Variants in PCDH11X observed in about 807,000 individuals in gnomAD.
PCDH11X encodes the protein protocadherin 11 X-linked.
In PCDH11X, 18 loss-of-function variants were observed where a neutral mutation model predicts 53.3. That is an observed-to-expected ratio of 0.34 (90% CI 0.23 to 0.50). PCDH11X has a LOEUF of 0.50. PCDH11X is among the 20% of genes least tolerant of loss of function. The pLI is 0.98. For synonymous variants in PCDH11X, 279 were observed against 393.3 expected (o/e 0.71, Z 3.44); for missense variants, 570 against 1,032.4 (o/e 0.55, Z 6.14).
chrX:92,539,366 C>A (rs755238073), intron 10 of PCDH11X, among the ~76,000 whole-genome samples: 1 of 111,678 alleles, frequency 9.0e-6, no homozygotes, highest in South Asian at 3.7e-4. Flanking sequence ...TTGATTATTT[C>A]TGCTATTAAG....
rs943492028 is a variant in PCDH11X, at chrX:92,599,637, G to C, written c.3368-18627G>C. 4.5e-5 allele frequency among the ~76,000 whole-genome samples: 5 copies of C among 111,789 alleles called. No individual in the cohort carries two copies. The Admixed American group carries it at 4.8e-4, about 11-fold the overall frequency. On this transcript the variant is annotated intron_variant, in intron 10 of 10. Coordinates refer to ENST00000682573, the MANE Select transcript of PCDH11X (RefSeq NM_032968.5). ...CAGTTTTGGGTATTTCTTCATAGCAGTAAGAAAATGGACTAATACAGCAAA... is the reference window on the plus strand; with the variant it reads ...CAGTTTTGGGTATTTCTTCATAGCACTAAGAAAATGGACTAATACAGCAAA...
intron 7 of PCDH11X, among the ~76,000 whole-genome samples, chrX:92,257,209 A>C (rs1603236822): frequency 9.0e-6 from 1 of 111,388 alleles, no homozygotes; most frequent in East Asian, 2.9e-4. Flanking sequence ...ACTCACTATC[A>C]TGAGAGTAGC....
chrX:92,335,050 G>T (rs2069585347), intron 8 of PCDH11X, among the ~76,000 whole-genome samples: 1 of 109,253 alleles, frequency 9.2e-6, no homozygotes, highest in Admixed American at 9.8e-5. Flanking sequence ...TCAGGGTCTA[G>T]GGTTTATAGT....
intron 8 of PCDH11X, among the ~76,000 whole-genome samples, chrX:92,276,293 G>T (rs1242873339): frequency 9.3e-6 from 1 of 107,362 alleles, no homozygotes; most frequent in Non-Finnish European, 1.9e-5. Flanking sequence ...ATCCGTGATG[G>T]TCTAGGGGCT....
At chrX:92,215,498 G>A (rs184744760) in intron 7 of PCDH11X, among the ~76,000 whole-genome samples, 7,597 of 58,933 alleles carry the variant, frequency 0.13, 769 homozygotes, top group Admixed American at 0.26. Flanking sequence ...CGAGGCTGGG[G>A]GAGGGGCGCC....
At chrX:92,475,597 A>G (rs1046220222) in intron 10 of PCDH11X, among the ~76,000 whole-genome samples, 1 of 112,052 alleles carries the variant, frequency 8.9e-6, no homozygotes, top group African/African-American at 3.2e-5. Flanking sequence ...TGCTCTTTCT[A>G]AAATAATCCT....
intron 8 of PCDH11X, among the ~76,000 whole-genome samples, chrX:92,361,942 T>A (rs1351296126): frequency 9.0e-6 from 1 of 111,696 alleles, no homozygotes; most frequent in Non-Finnish European, 1.9e-5. Flanking sequence ...TTGGGTTATT[T>A]AACTTAGCAT....
At chrX:92,123,432 A>G (rs2064807445) in intron 6 of PCDH11X, among the ~76,000 whole-genome samples, 1 of 111,248 alleles carries the variant, frequency 9.0e-6, no homozygotes, top group Admixed American at 9.6e-5. Flanking sequence ...TTTTTCTAAG[A>G]CCTTTCTCTT....
intron 10 of PCDH11X, among the ~76,000 whole-genome samples, chrX:92,482,378 T>C (rs2073526967): frequency 9.1e-6 from 1 of 109,531 alleles, no homozygotes; most frequent in Admixed American, 9.8e-5. Context: ...AAAGAGGCAC[T>C]GCTTGTTTTC....
At chrX:91,840,338 T>C (rs191145994) in intron 5 of PCDH11X, among the ~76,000 whole-genome samples, 24 of 111,758 alleles carry the variant, frequency 2.1e-4, no homozygotes, top group Middle Eastern at 4.6e-3. Context: ...AGGTTGACAA[T>C]TTTTGTTGAC....
intron 7 of PCDH11X, among the ~76,000 whole-genome samples, chrX:92,202,055 G>A (rs1213410401): frequency 9.0e-6 from 1 of 111,333 alleles, no homozygotes; most frequent in Non-Finnish European, 1.9e-5. Context: ...ACTTGGTAGA[G>A]GGCCAAGTGG....
At chrX:91,895,856 ATTATACAT>A (rs1004868450) in intron 6 of PCDH11X, among the ~76,000 whole-genome samples, 8 of 106,341 alleles carry the variant, frequency 7.5e-5, no homozygotes, top group African/African-American at 1.0e-4. Flanking sequence ...CATTACATAC[ATTATACAT>A]ATATACATAT....
At chrX:92,247,416 A>C (rs2067372012) in intron 7 of PCDH11X, among the ~76,000 whole-genome samples, 1 of 111,878 alleles carries the variant, frequency 8.9e-6, no homozygotes, top group African/African-American at 3.2e-5. Context: ...TCTTTTCCTG[A>C]GGTGGAAGCA....
At chrX:92,525,676 C>A (rs1328937252) in intron 10 of PCDH11X, among the ~76,000 whole-genome samples, 2 of 105,779 alleles carry the variant, frequency 1.9e-5, no homozygotes, top group African/African-American at 6.9e-5. Context: ...CTTATCAGTT[C>A]TTGGCCAACC....
chrX:92,297,410 T>C (rs917459696), intron 8 of PCDH11X, among the ~76,000 whole-genome samples: 3 of 109,157 alleles, frequency 2.7e-5, no homozygotes, highest in African/African-American at 1.0e-4. Context: ...GAGAGTCCTT[T>C]CCACATTGCT....
chrX:92,208,540 AT>A (rs1449447417), intron 7 of PCDH11X, among the ~76,000 whole-genome samples: 3 of 21,702 alleles, frequency 1.4e-4, no homozygotes, highest in East Asian at 1.2e-3. Flanking sequence ...TATATATACA[AT>A]TTTTTTTAAA....
chrX:91,868,042 G>T (rs185566489), intron 5 of PCDH11X, among the ~76,000 whole-genome samples: 1 of 110,423 alleles, frequency 9.1e-6, no homozygotes, highest in African/African-American at 3.3e-5. Context: ...GAGAAATCTG[G>T]GACTTTCATT....
At chrX:91,789,200 C>CAAAAAAAAAAAAAAAAAAAAAAA (rs764959497) in intron 1 of PCDH11X, among the ~76,000 whole-genome samples, 3 of 47,224 alleles carry the variant, frequency 6.4e-5, no homozygotes, top group Non-Finnish European at 1.2e-4. Flanking sequence ...GACTCCGTCT[C>CAAAAAAAAAAAAAAAAAAAAAAA]AAAAAAAAAA....
At chrX:92,134,275 TTTTG>T (rs960230223) in intron 6 of PCDH11X, among the ~76,000 whole-genome samples, 17 of 110,959 alleles carry the variant, frequency 1.5e-4, no homozygotes, top group South Asian at 7.7e-4. Context: ...ATGTCGTTTT[TTTTG>T]TTTGTTTGTT....
Sources: allele counts gnomAD v4.1 joint callset (sites outside exome capture counted in the v4.1 genomes callset), GRCh38; gene constraint gnomAD v4.1.1; transcripts MANE v1.5; gene names NCBI Gene and HGNC (gene_info 2026-07-23, HGNC 2026-07-21).